Variants in ABCC8 observed in about 807,000 individuals in gnomAD.
The protein encoded by ABCC8 is ATP binding cassette subfamily C member 8.
ABCC8 carries 137 observed loss-of-function variants against 188.0 expected under a neutral mutation model. The observed-to-expected ratio is 0.73, with a 90% CI of 0.63 to 0.84. The LOEUF is 0.84. ABCC8 is among the 40% of genes least tolerant of loss of function. The pLI is 0.00. For synonymous variants in ABCC8, 797 were observed against 846.5 expected (o/e 0.94, Z 1.01); for missense variants, 1,750 against 2,072.7 (o/e 0.84, Z 3.02).
At chr11:17,466,296 G>A (rs1425784947) in intron 3 of ABCC8, among the ~76,000 whole-genome samples, 1 of 151,640 alleles carries the variant, frequency 6.6e-6, no homozygotes, top group Non-Finnish European at 1.5e-5. Context: ...TTACTCAGGA[G>A]GCTGAGGCAG....
In ABCC8 at chr11:17,436,952, G is replaced by C. The variant is rs190733449; in HGVS notation, c.1631-4708C>G. On this transcript the variant is annotated intron_variant, in intron 10 of 38. Coordinates refer to ENST00000389817, the MANE Select transcript of ABCC8 (RefSeq NM_000352.6). The stretch of plus-strand genomic sequence containing the variant: ...AAAAATACCAAAATATTAGCCAGGC[G>C]TGGTGGCGCATACCTGTAATCCTAG... Among the ~76,000 whole-genome samples, 7 of 152,064 alleles carry C rather than the reference G, an allele frequency of 4.6e-5. No homozygotes were observed. The South Asian group carries it at 1.5e-3, about 32-fold the overall frequency.
chr11:17,468,273 C>T (rs1848281207), intron 3 of ABCC8, among the ~76,000 whole-genome samples: 1 of 152,212 alleles, frequency 6.6e-6, no homozygotes, highest in Admixed American at 6.5e-5. Context: ...ACCATGATGT[C>T]ACTGGCTTAG....
chr11:17,425,417 C>T (rs1591791295), intron 16 of ABCC8, among the ~76,000 whole-genome samples: 1 of 152,202 alleles, frequency 6.6e-6, no homozygotes, highest in African/African-American at 2.4e-5. Flanking sequence ...TGTACTCATG[C>T]TTATGAAAAA....
chr11:17,434,984 CGTGT>C (rs57580521), intron 10 of ABCC8, among the ~76,000 whole-genome samples: 6,646 of 144,666 alleles, frequency 0.046, 165 homozygotes, highest in Non-Finnish European at 0.057. Flanking sequence ...CGTGTGTTCG[CGTGT>C]GTGTGTGTGT....
At chr11:17,399,275 C>CAAAAAAAAAAAAAAAAAAAAAAAAAAAAA (rs57138230) in intron 29 of ABCC8, among the ~76,000 whole-genome samples, 1 of 58,544 alleles carries the variant, frequency 1.7e-5, no homozygotes. Context: ...GACTCTGCCT[C>CAAAAAAAAAAAAAAAAAAAAAAAAAAAAA]AAAAAAAAAA....
intron 10 of ABCC8, among the ~76,000 whole-genome samples, chr11:17,442,479 G>A (rs1482610025): frequency 6.6e-6 from 1 of 152,212 alleles, no homozygotes; most frequent in African/African-American, 2.4e-5. Context: ...TGTATCCTGA[G>A]GGCCAGCACA....
At chr11:17,465,456 C>A (rs1227908668) in intron 3 of ABCC8, 1 of 152,270 alleles carries the variant, frequency 6.6e-6, no homozygotes, top group African/African-American at 2.4e-5. Flanking sequence ...TGTGCAAGGT[C>A]ACACAGGGAA....
intron 16 of ABCC8, among the ~76,000 whole-genome samples, chr11:17,423,671 G>A (rs1180214345): frequency 6.6e-6 from 1 of 152,198 alleles, no homozygotes; most frequent in Non-Finnish European, 1.5e-5. Context: ...CTGGGAGCTG[G>A]GGCCTAGGCT....
intron 8 of ABCC8, chr11:17,443,539 T>C (rs1956407959): frequency 1.7e-6 from 1 of 578,120 alleles, no homozygotes; most frequent in Non-Finnish European, 3.0e-6. Context: ...GCTGGGCTGG[T>C]AACTAACTGC....
At chr11:17,431,058 A>C (rs970411256) in intron 11 of ABCC8, 99 bp from the exon 12 acceptor site, 1 of 1,545,520 alleles carries the variant, frequency 6.5e-7, no homozygotes, top group African/African-American at 1.4e-5. Flanking sequence ...GAGGGCTGTC[A>C]GGGAGCAGGC....
intron 32 of ABCC8, 35 bp downstream of exon 32, chr11:17,397,158 G>A (rs755902092): frequency 6.2e-7 from 1 of 1,613,200 alleles, no homozygotes; most frequent in Admixed American, 1.7e-5. Flanking sequence ...ACTCCTCCTT[G>A]GACTCTTCCC....
intron 16 of ABCC8, 70 bp from the exon 17 acceptor site, chr11:17,417,032 G>A: frequency 1.9e-6 from 3 of 1,608,164 alleles, no homozygotes; most frequent in Non-Finnish European, 1.7e-6. Context: ...ATCACGCTGA[G>A]TCTTAGGGGA....
chr11:17,395,298 C>A, intron 35 of ABCC8, 23 bp from the exon 36 acceptor site: 3 of 1,561,398 alleles, frequency 1.9e-6, no homozygotes, highest in East Asian at 2.4e-5. Flanking sequence ...CAGAAAGCCC[C>A]AGTAGGGAGG....
intron 4 of ABCC8, among the ~76,000 whole-genome samples, chr11:17,462,051 C>A (rs1229768514): frequency 6.6e-6 from 1 of 152,156 alleles, no homozygotes; most frequent in East Asian, 1.9e-4. Context: ...GACTTTGAAC[C>A]CCCCATGGCT....
chr11:17,414,759 C>T (rs74515964), intron 18 of ABCC8, 149 bp from the exon 19 acceptor site: 11 of 1,437,632 alleles, frequency 7.7e-6, no homozygotes, highest in Admixed American at 2.2e-5. Context: ...CCTCTGGTGG[C>T]CTTGCCTTCC....
chr11:17,436,551 A>C (rs10832787), intron 10 of ABCC8, among the ~76,000 whole-genome samples: 1 of 152,234 alleles, frequency 6.6e-6, no homozygotes. Context: ...TTAGAAAAAA[A>C]CAAAAACAAA....
intron 7 of ABCC8, among the ~76,000 whole-genome samples, chr11:17,450,934 G>C (rs558981822): frequency 6.6e-6 from 1 of 151,854 alleles, no homozygotes; most frequent in African/African-American, 2.4e-5. Flanking sequence ...TGATCCACCC[G>C]CCTCAGCCTC....
Position 17,453,269 on chromosome 11 carries a change from C to A in ABCC8, c.1026G>T (p.Gly342=). The A allele has an allele frequency of 6.2e-7, 1 of 1,613,944 alleles. No homozygotes were observed. The highest frequency in any genetic ancestry group is 8.5e-7 in the Non-Finnish European group (1 of 1,179,984). The change falls in exon 7 of 39, where the codon GGG becomes GGT. Residue 342 remains glycine (G), a synonymous_variant. Transcript: ENST00000389817. Reference sequence around the variant, plus strand: ...ACTCTTGGGATGAGACAAAGTAAACCCCGAGAAATTGTGTCTGTTGGAAAG... The same window carrying A: ...ACTCTTGGGATGAGACAAAGTAAACACCGAGAAATTGTGTCTGTTGGAAAG... ...DVFQPKTQFL[G]VYFVSSQEFL...
At chr11:17,448,391 G>C in intron 8 of ABCC8, 125 bp downstream of exon 8, 1 of 851,874 alleles carries the variant, frequency 1.2e-6, no homozygotes, top group South Asian at 1.4e-5. Flanking sequence ...GTATAGCCAA[G>C]TGTGTGAAAG....
Sources: allele counts gnomAD v4.1 joint callset (sites outside exome capture counted in the v4.1 genomes callset), GRCh38; gene constraint gnomAD v4.1.1; transcripts MANE v1.5; gene names NCBI Gene and HGNC (gene_info 2026-07-23, HGNC 2026-07-21).